The following PCDH11X variants were observed in gnomAD, a reference collection of about 807,000 sequenced individuals.
The protein encoded by PCDH11X is protocadherin 11 X-linked.
PCDH11X carries 18 observed loss-of-function variants against 53.3 expected under a neutral mutation model. The ratio of observed to expected loss-of-function variants is 0.34; its 90% CI spans 0.23 to 0.50. The LOEUF is 0.50. Among genes scored for constraint, PCDH11X ranks in the 20% least tolerant of loss-of-function variants. PCDH11X has a pLI of 0.98. For synonymous variants in PCDH11X, 279 were observed against 393.3 expected (o/e 0.71, Z 3.44); for missense variants, 570 against 1,032.4 (o/e 0.55, Z 6.14).
chrX:92,108,312 A>G (rs906082361), intron 6 of PCDH11X, among the ~76,000 whole-genome samples: 1 of 112,085 alleles, frequency 8.9e-6, no homozygotes, highest in African/African-American at 3.2e-5. Flanking sequence ...CACTGTGATT[A>G]AAAAAAGTAA....
rs1295580897 is a variant in PCDH11X, at chrX:92,003,344, C to A, written c.3033+124071C>A. On this transcript the variant is annotated intron_variant, in intron 6 of 10. Coordinates refer to ENST00000682573, the MANE Select transcript of PCDH11X (RefSeq NM_032968.5). ...CAGAGATATTGGCCTGTAGTTTTAT[C>A]TTTTTATTGTGTCAGTCTGGTTTTG... 3.7e-5 allele frequency among the ~76,000 whole-genome samples: 4 copies of A among 107,774 alleles called. No individual in the cohort carries two copies. The Admixed American group carries it at 4.0e-4, about 11-fold the overall frequency. 93.6% of individuals were successfully genotyped at this position (107,774 alleles called of 115,157 possible). A position where few individuals can be genotyped will look rare whatever the true frequency, so the allele number is the denominator to read the frequency against.
intron 8 of PCDH11X, among the ~76,000 whole-genome samples, chrX:92,276,283 A>G (rs1248647464): frequency 9.3e-6 from 1 of 107,211 alleles, no homozygotes; most frequent in African/African-American, 3.4e-5. Flanking sequence ...GAAGCTCGGC[A>G]TCCGTGATGG....
intron 6 of PCDH11X, among the ~76,000 whole-genome samples, chrX:92,055,347 G>C (rs1486978965): frequency 1.5e-5 from 1 of 64,903 alleles, no homozygotes; most frequent in Admixed American, 2.0e-4. Flanking sequence ...ATTTATAATT[G>C]TATTAATAAA....
chrX:91,870,788 T>A (rs763799636), intron 5 of PCDH11X, among the ~76,000 whole-genome samples: 1 of 110,665 alleles, frequency 9.0e-6, no homozygotes, highest in East Asian at 2.8e-4. Context: ...AGAGATGGTG[T>A]TTTCTTACCC....
At chrX:92,275,556 C>A in intron 8 of PCDH11X, among the ~76,000 whole-genome samples, 1 of 111,132 alleles carries the variant, frequency 9.0e-6, no homozygotes. Flanking sequence ...TGTTTGAGAT[C>A]CAGAACAGAA....
At chrX:92,227,739 G>A (rs949367805) in intron 7 of PCDH11X, among the ~76,000 whole-genome samples, 3 of 110,457 alleles carry the variant, frequency 2.7e-5, no homozygotes, top group Non-Finnish European at 5.7e-5. Context: ...TAATTTCATA[G>A]ATACTATAAT....
At position 91,947,154 on chromosome X, in the gene PCDH11X, T is replaced by C. The variant is rs1241217211; in HGVS notation, c.3033+67881T>C. On this transcript the variant is annotated intron_variant, in intron 6 of 10. Transcript: ENST00000682573. Reference sequence around the variant, plus strand: ...TAGATACAAAATTTTTATAAAAATTTTGACATGTGTGCATTTGAGTGTGCA... The same window carrying C: ...TAGATACAAAATTTTTATAAAAATTCTGACATGTGTGCATTTGAGTGTGCA... Among the ~76,000 whole-genome samples the C allele has an allele frequency of 2.8e-5, 3 of 108,799 alleles. No homozygotes were observed. In the East Asian group the frequency reaches 8.8e-4, roughly 32 times the overall value. The allele number at this position is 108,799 out of a possible 115,157, so 94.5% of individuals were successfully genotyped here.
At chrX:92,590,359 G>T (rs1361487374) in intron 10 of PCDH11X, among the ~76,000 whole-genome samples, 1 of 110,877 alleles carries the variant, frequency 9.0e-6, no homozygotes, top group Non-Finnish European at 1.9e-5. Context: ...TAAATTTGGG[G>T]GCTCATCTGG....
intron 6 of PCDH11X, among the ~76,000 whole-genome samples, chrX:91,971,335 A>G (rs1346418077): frequency 9.2e-6 from 1 of 108,915 alleles, no homozygotes; most frequent in East Asian, 2.9e-4. Flanking sequence ...GTTTTAGCAA[A>G]GTTGAAAAGG....
chrX:92,121,370 G>A (rs112663529), intron 6 of PCDH11X, among the ~76,000 whole-genome samples: 1 of 111,060 alleles, frequency 9.0e-6, no homozygotes, highest in African/African-American at 3.3e-5. Context: ...TGGCCAGGCT[G>A]GTCTCGAACT....
At chrX:92,486,499 A>C (rs947590096) in intron 10 of PCDH11X, among the ~76,000 whole-genome samples, 7 of 111,728 alleles carry the variant, frequency 6.3e-5, no homozygotes, top group African/African-American at 1.9e-4. Flanking sequence ...AAAAGTAAAA[A>C]TCATTGACAT....
At chrX:92,153,758 G>A (rs1180000005) in intron 6 of PCDH11X, among the ~76,000 whole-genome samples, 2 of 111,351 alleles carry the variant, frequency 1.8e-5, no homozygotes, top group Admixed American at 9.6e-5. Flanking sequence ...TAAAGTTTTG[G>A]TAAAGACTGT....
At chrX:92,518,648 T>C (rs1160612689) in intron 10 of PCDH11X, among the ~76,000 whole-genome samples, 1 of 111,217 alleles carries the variant, frequency 9.0e-6, no homozygotes, top group African/African-American at 3.3e-5. Flanking sequence ...TATCCTAGCT[T>C]GGCCTGTTTA....
chrX:92,168,682 T>C (rs1293975078), intron 6 of PCDH11X, among the ~76,000 whole-genome samples: 2 of 112,057 alleles, frequency 1.8e-5, no homozygotes, highest in African/African-American at 3.2e-5. Flanking sequence ...TTGTTTACTA[T>C]AGAATCATTG....
intron 10 of PCDH11X, among the ~76,000 whole-genome samples, chrX:92,524,975 A>G (rs996058105): frequency 9.0e-6 from 1 of 111,453 alleles, no homozygotes; most frequent in African/African-American, 3.3e-5. Flanking sequence ...GAACACCTAA[A>G]TGTTTTCCCT....
chrX:92,507,253 G>C (rs758251739), intron 10 of PCDH11X, among the ~76,000 whole-genome samples: 132 of 110,291 alleles, frequency 1.2e-3, no homozygotes, highest in African/African-American at 3.9e-3. Context: ...GTTATCTTTT[G>C]TCTTCTGCTA....
chrX:92,378,806 C>A (rs2070807257), intron 8 of PCDH11X, among the ~76,000 whole-genome samples: 1 of 112,442 alleles, frequency 8.9e-6, no homozygotes, highest in Admixed American at 9.4e-5. Context: ...ACCCTCATGA[C>A]CTAAGCACCT....
chrX:91,825,908 T>A (rs773554369), intron 4 of PCDH11X, among the ~76,000 whole-genome samples: 2 of 107,951 alleles, frequency 1.9e-5, no homozygotes, highest in African/African-American at 7.1e-5. Context: ...TATATCTAAA[T>A]TGTTATTTTT....
chrX:91,926,076 GCACACACACACACACACA>G (rs4022270), intron 6 of PCDH11X, among the ~76,000 whole-genome samples: 5 of 83,128 alleles, frequency 6.0e-5, no homozygotes, highest in Admixed American at 4.1e-4. Context: ...ACACAAACAC[GCACACACACACACACACA>G]CACACACACA....
Sources: gnomAD v4.1 joint callset for allele counts (sites outside exome capture counted in the v4.1 genomes callset) on GRCh38, gnomAD v4.1.1 for gene constraint, MANE v1.5 for transcripts, NCBI Gene and HGNC (gene_info 2026-07-23, HGNC 2026-07-21) for gene names.